CLSTN2: variants seen among roughly 807,000 people sequenced by gnomAD.
The protein encoded by CLSTN2 is calsyntenin 2.
Under a neutral mutation model 101.2 loss-of-function variants are expected in CLSTN2, and 48 were observed. That is an observed-to-expected ratio of 0.47 (90% CI 0.38 to 0.60). The LOEUF is 0.60. CLSTN2 is among the 20% of genes least tolerant of loss of function. The pLI is 0.00. For synonymous variants in CLSTN2, 481 were observed against 463.6 expected (o/e 1.04, Z -0.48); for missense variants, 1,160 against 1,238.2 (o/e 0.94, Z 0.95).
chr3:140,190,231 T>C (rs1366553491), intron 2 of CLSTN2, among the ~76,000 whole-genome samples: 1 of 152,156 alleles, frequency 6.6e-6, no homozygotes, highest in African/African-American at 2.4e-5. Flanking sequence ...AGGCATGTTG[T>C]ATGGGTCTAT....
chr3:140,007,366 G>C (rs2006980210), intron 1 of CLSTN2, among the ~76,000 whole-genome samples: 1 of 152,220 alleles, frequency 6.6e-6, no homozygotes, highest in Non-Finnish European at 1.5e-5. Flanking sequence ...AGGCAGGTGT[G>C]CTGGCAGCTG....
chr3:140,042,778 G>C (rs1030581663), intron 1 of CLSTN2, among the ~76,000 whole-genome samples: 5 of 152,062 alleles, frequency 3.3e-5, no homozygotes, highest in Non-Finnish European at 5.9e-5. Flanking sequence ...GTGGTGTTTG[G>C]TTTTCTGTCC....
chr3:140,189,586 G>A (rs2010531181), intron 2 of CLSTN2, among the ~76,000 whole-genome samples: 1 of 151,874 alleles, frequency 6.6e-6, no homozygotes, highest in Non-Finnish European at 1.5e-5. Context: ...AATTGCATTA[G>A]GATTTTTGTT....
Position 140,351,658 on chromosome 3 carries a change from G to A in CLSTN2, c.233-51971G>A, listed in dbSNP as rs200064042. Reference sequence around the variant, plus strand: ...CAGCATAGGCAGTATTTAAATGAACGGGTGTGAAAAACAGTGGTGGGCTGC... The same window carrying A: ...CAGCATAGGCAGTATTTAAATGAACAGGTGTGAAAAACAGTGGTGGGCTGC... On this transcript the variant is annotated intron_variant, in intron 2 of 16. Transcript: ENST00000458420. Among the ~76,000 whole-genome samples, 14 of 152,316 alleles carry A rather than the reference G, an allele frequency of 9.2e-5. No individual in the cohort carries two copies. The East Asian group carries it at 1.9e-3, about 21-fold the overall frequency.
At chr3:140,060,823 T>C (rs2107772607) in intron 1 of CLSTN2, among the ~76,000 whole-genome samples, 1 of 152,350 alleles carries the variant, frequency 6.6e-6, no homozygotes, top group South Asian at 2.1e-4. Flanking sequence ...AGGATCTGAT[T>C]TTCGTGGGTG....
At chr3:139,955,244 C>A (rs912717355) in intron 1 of CLSTN2, among the ~76,000 whole-genome samples, 1 of 150,694 alleles carries the variant, frequency 6.6e-6, no homozygotes, top group African/African-American at 2.4e-5. Flanking sequence ...TGAATCCTCA[C>A]AATGCCACTG....
At chr3:140,465,902 AG>A (rs995933145) in intron 7 of CLSTN2, among the ~76,000 whole-genome samples, 95 of 152,310 alleles carry the variant, frequency 6.2e-4, no homozygotes, top group African/African-American at 2.0e-3. Flanking sequence ...ATAAGGTTCA[AG>A]TTCTCTAAGA....
intron 1 of CLSTN2, among the ~76,000 whole-genome samples, chr3:140,162,051 A>T (rs1427417519): frequency 6.6e-6 from 1 of 152,202 alleles, no homozygotes. Context: ...ATTGTTTTAC[A>T]TTTTTGCAAT....
At chr3:140,171,650 C>T (rs537841297) in intron 1 of CLSTN2, among the ~76,000 whole-genome samples, 1,687 of 38,276 alleles carry the variant, frequency 0.044, 53 homozygotes, top group East Asian at 0.26. Flanking sequence ...ATATATAATA[C>T]GTATTATATA....
chr3:140,000,094 A>G (rs2006795274), intron 1 of CLSTN2, among the ~76,000 whole-genome samples: 1 of 141,738 alleles, frequency 7.1e-6, no homozygotes, highest in Non-Finnish European at 1.5e-5. Context: ...CATCCCCTTT[A>G]AGATTTACAG....
At chr3:140,317,223 A>G (rs1465023771) in intron 2 of CLSTN2, among the ~76,000 whole-genome samples, 1 of 152,180 alleles carries the variant, frequency 6.6e-6, no homozygotes, top group African/African-American at 2.4e-5. Context: ...GCTCAGTTAT[A>G]AAGAGGATTG....
Position 140,567,416 on chromosome 3 carries a change from C to T in CLSTN2, c.*1163C>T, listed in dbSNP as rs1985310021. ...ATTAGAAGCATATTTGCAATCATTG[C>T]AGCTTCTTCTTTCTTCTGCTCATAA... On this transcript the variant is annotated 3_prime_UTR_variant, in exon 17 of 17. Coordinates refer to ENST00000458420, the MANE Select transcript of CLSTN2 (RefSeq NM_022131.3). 6.6e-6 allele frequency: 1 copy of T among 152,242 alleles called. No homozygotes were observed. Among genetic ancestry groups the T allele is most frequent in the African/African-American group, 2.4e-5 (1 of 41,474 alleles). 9.4% of individuals were successfully genotyped at this position (152,242 alleles called of 1,614,324 possible).
chr3:140,312,399 G>A (rs1294146306), intron 2 of CLSTN2, among the ~76,000 whole-genome samples: 2 of 152,226 alleles, frequency 1.3e-5, no homozygotes, highest in Non-Finnish European at 2.9e-5. Flanking sequence ...TATCGCATCT[G>A]AGGAATCTTT....
At chr3:140,183,505 A>G (rs2010439442) in intron 2 of CLSTN2, among the ~76,000 whole-genome samples, 2 of 152,222 alleles carry the variant, frequency 1.3e-5, no homozygotes, top group South Asian at 2.1e-4. Flanking sequence ...GTTAATGACA[A>G]TACTCTACTA....
intron 2 of CLSTN2, among the ~76,000 whole-genome samples, chr3:140,385,830 G>C (rs2088046690): frequency 6.6e-6 from 1 of 152,112 alleles, no homozygotes; most frequent in Non-Finnish European, 1.5e-5. Flanking sequence ...AGCAAGCTGG[G>C]GTCTAGGGCA....
intron 2 of CLSTN2, among the ~76,000 whole-genome samples, chr3:140,339,027 A>G (rs1268277002): frequency 6.6e-6 from 1 of 152,206 alleles, no homozygotes; most frequent in Non-Finnish European, 1.5e-5. Context: ...CATGCTGCGC[A>G]GTGGCTCACC....
At chr3:140,463,692 G>A (rs567940891) in intron 7 of CLSTN2, among the ~76,000 whole-genome samples, 3 of 152,298 alleles carry the variant, frequency 2.0e-5, no homozygotes, top group Admixed American at 6.5e-5. Context: ...AGTGAATGAC[G>A]GGGCTGCCAC....
intron 2 of CLSTN2, among the ~76,000 whole-genome samples, chr3:140,252,692 T>C (rs551280556): frequency 6.6e-6 from 1 of 152,318 alleles, no homozygotes; most frequent in East Asian, 1.9e-4. Context: ...AGCACAGTTA[T>C]GCAGAGGATC....
intron 1 of CLSTN2, among the ~76,000 whole-genome samples, chr3:140,130,411 G>A (rs551432831): frequency 1.3e-5 from 2 of 152,288 alleles, no homozygotes; most frequent in South Asian, 2.1e-4. Context: ...GGTACTAAAT[G>A]CACATTCCGG....
Sources: allele counts gnomAD v4.1 joint callset (sites outside exome capture counted in the v4.1 genomes callset), GRCh38; gene constraint gnomAD v4.1.1; transcripts MANE v1.5; gene names NCBI Gene and HGNC (gene_info 2026-07-23, HGNC 2026-07-21).